The following RPRD2 variants were observed in gnomAD, a reference collection of about 807,000 sequenced individuals.
RPRD2 encodes regulation of nuclear pre-mRNA domain containing 2, also known as regulation of nuclear pre-mRNA domain-containing protein 2.
RPRD2 carries 12 observed loss-of-function variants against 104.4 expected under a neutral mutation model. The ratio of observed to expected loss-of-function variants is 0.11; its 90% CI spans 0.07 to 0.19. The LOEUF is 0.19. Ranked by LOEUF, RPRD2 falls within the 10% of genes least tolerant of loss-of-function variation. The probability of loss-of-function intolerance (pLI) is 1.00; values close to 1 mark genes in which losing one functional copy is unlikely to be tolerated. For missense variants in RPRD2, 1,543 were observed against 1,790.1 expected, an observed-to-expected ratio of 0.86 and a Z score of 2.49; for synonymous variants, 714 against 684.9, an observed-to-expected ratio of 1.04 and a Z score of -0.66.
At chr1:150,387,607 T>G in intron 1 of RPRD2, among the ~76,000 whole-genome samples, 1 of 104,036 alleles carries the variant, frequency 9.6e-6, no homozygotes, top group Non-Finnish European at 1.9e-5. Context: ...TTTTTTTTTT[T>G]TGAGACGGAG....
chr1:150,461,347 T>G (rs12131083), intron 9 of RPRD2, among the ~76,000 whole-genome samples: 33,739 of 152,134 alleles, frequency 0.22, 4,259 homozygotes, highest in African/African-American at 0.32. Context: ...TTTTGGAGAA[T>G]TAAATATGTA....
chr1:150,455,610 G>A (rs1307644242), intron 7 of RPRD2, among the ~76,000 whole-genome samples: 5 of 145,306 alleles, frequency 3.4e-5, no homozygotes, highest in Non-Finnish European at 7.5e-5. Context: ...GGGATCCTAG[G>A]TTAGAAAAGG....
intron 7 of RPRD2, among the ~76,000 whole-genome samples, chr1:150,453,576 A>G (rs140667901): frequency 1.4e-3 from 206 of 152,106 alleles, no homozygotes; most frequent in African/African-American, 4.7e-3. Flanking sequence ...ATTTTTCACT[A>G]TTTTCATGAA....
intron 1 of RPRD2, among the ~76,000 whole-genome samples, chr1:150,384,450 CATTATTATTATTATTATT>C (rs60436957): frequency 3.0e-5 from 4 of 132,344 alleles, no homozygotes; most frequent in Non-Finnish European, 6.1e-5. Flanking sequence ...GCATCATCAT[CATTATTATTATTATTATT>C]ATTATTATTA....
chr1:150,470,350 C>T (rs587657704), intron 10 of RPRD2, among the ~76,000 whole-genome samples: 2 of 152,204 alleles, frequency 1.3e-5, no homozygotes, highest in East Asian at 3.9e-4. Context: ...GTACTGGAAA[C>T]ATTTCAGTGA....
chr1:150,465,874 C>A (rs1167561561), intron 10 of RPRD2, among the ~76,000 whole-genome samples: 1 of 151,298 alleles, frequency 6.6e-6, no homozygotes, highest in Non-Finnish European at 1.5e-5. Context: ...GCCTGGCCAA[C>A]CAGGTGAAAT....
At chr1:150,444,167 G>GTT in intron 5 of RPRD2, 84 bp from the exon 6 acceptor site, 1 of 1,388,486 alleles carries the variant, frequency 7.2e-7, no homozygotes, top group Non-Finnish European at 9.8e-7. Flanking sequence ...GTTTTGTTTT[G>GTT]TTTTGTTTTA....
chr1:150,471,994 G>C lies in RPRD2; in HGVS notation c.3046G>C (p.Ala1016Pro). 1 of 1,613,870 alleles carries C rather than the reference G, an allele frequency of 6.2e-7. No homozygotes were observed. The highest frequency in any genetic ancestry group is 8.5e-7 in the Non-Finnish European group (1 of 1,179,882). The change falls in exon 11 of 11, where the codon GCC becomes CCC. Residue 1016 changes from alanine (A) to proline (P), a missense_variant. By Grantham distance (27) the Ala-to-Pro change is conservative. This residue lies in a region of RPRD2 where 880 missense variants were observed against 885.6 expected (regional missense o/e 0.99). Coordinates refer to ENST00000369068, the MANE Select transcript of RPRD2 (RefSeq NM_015203.5). The surrounding 1 kb of genome is among the most constrained non-coding windows in gnomAD (Gnocchi z 5.3). ...TGAATTTAAGAATATGCTTAAAAAC[G>C]CCTCACGTAAGCCCTCAGATGATAA... ...TIEFKNMLKNASRKPSDDKHF... is the reference protein window; with the variant it reads ...TIEFKNMLKNPSRKPSDDKHF...
chr1:150,375,756 G>A (rs1203623953), intron 1 of RPRD2, among the ~76,000 whole-genome samples: 1 of 152,008 alleles, frequency 6.6e-6, no homozygotes, highest in African/African-American at 2.4e-5. Context: ...AAGTCAAAAG[G>A]GGAGATTTTG....
intron 1 of RPRD2, among the ~76,000 whole-genome samples, chr1:150,405,339 A>G (rs2102234684): frequency 6.6e-6 from 1 of 152,346 alleles, no homozygotes; most frequent in Non-Finnish European, 1.5e-5. Context: ...CTTGGCTTCT[A>G]AAGTCAGTAC....
intron 7 of RPRD2, among the ~76,000 whole-genome samples, chr1:150,449,904 C>T: frequency 6.6e-6 from 1 of 152,164 alleles, no homozygotes; most frequent in East Asian, 1.9e-4. Context: ...TATTGGATCT[C>T]ATTGTTGTGT....
intron 1 of RPRD2, among the ~76,000 whole-genome samples, chr1:150,404,769 C>T (rs1208466095): frequency 2.0e-5 from 3 of 152,106 alleles, no homozygotes; most frequent in African/African-American, 7.2e-5. Flanking sequence ...TGTGCCCGGC[C>T]TCGTCACATA....
chr1:150,470,769 C>T lies in RPRD2; in HGVS notation c.1821C>T (p.Ser607=). The part of the protein sequence containing the change: ...STSEVSSTSA[S]KASIGQSPGL... Reference sequence around the variant, plus strand: ...CTGAAGTCTCTTCAACTTCAGCCAGCAAGGCCTCAATTGGGCAAAGCCCAG... The same window carrying T: ...CTGAAGTCTCTTCAACTTCAGCCAGTAAGGCCTCAATTGGGCAAAGCCCAG... The change falls in exon 11 of 11, where the codon AGC becomes AGT. Residue 607 remains serine (S), a synonymous_variant. Transcript: ENST00000369068. The T allele has an allele frequency of 6.2e-7, 1 of 1,614,064 alleles. No homozygotes were observed. The highest frequency in any genetic ancestry group is 1.1e-5 in the South Asian group (1 of 91,086).
At chr1:150,407,310 T>C (rs2102240767) in intron 1 of RPRD2, among the ~76,000 whole-genome samples, 1 of 152,320 alleles carries the variant, frequency 6.6e-6, no homozygotes, top group East Asian at 1.9e-4. Context: ...ATTAAGGTAC[T>C]CCTTTAAAAA....
At chr1:150,381,982 T>C (rs1661169454) in intron 1 of RPRD2, among the ~76,000 whole-genome samples, 1 of 152,156 alleles carries the variant, frequency 6.6e-6, no homozygotes, top group African/African-American at 2.4e-5. Context: ...CCTTATATGA[T>C]TGTTGGAATT....
At position 150,471,661 on chromosome 1, in the gene RPRD2, C is replaced by G; in HGVS notation, c.2713C>G (p.Arg905Gly). 6.2e-7 allele frequency: 1 copy of G among 1,613,848 alleles called. No individual in the cohort carries two copies. Among genetic ancestry groups the G allele is most frequent in the Non-Finnish European group, 8.5e-7 (1 of 1,179,878 alleles). ...ALLDSSENCD[R>G]LSSSPGLFGA... ...CCTGGACTCTAGTGAGAACTGTGAC[C>G]GTCTCTCATCTTCCCCTGGGCTATT... The change falls in exon 11 of 11, where the codon CGT (arginine) becomes GGT (glycine). Residue 905 changes from arginine (R) to glycine (G), a missense_variant. Arg to Gly is a moderately radical substitution (Grantham distance 125, BLOSUM62 -2). This residue lies in a region of RPRD2 where 880 missense variants were observed against 885.6 expected (regional missense o/e 0.99). Coordinates refer to ENST00000369068, the MANE Select transcript of RPRD2 (RefSeq NM_015203.5). The surrounding 1 kb of genome is among the most constrained non-coding windows in gnomAD (Gnocchi z 5.3).
chr1:150,373,290 A>G (rs1660455569), intron 1 of RPRD2, among the ~76,000 whole-genome samples: 1 of 152,162 alleles, frequency 6.6e-6, no homozygotes, highest in Admixed American at 6.6e-5. Context: ...CTGGGATTAC[A>G]GGCGTGAGCC....
chr1:150,376,269 T>C (rs1660682432), intron 1 of RPRD2, among the ~76,000 whole-genome samples: 1 of 152,192 alleles, frequency 6.6e-6, no homozygotes, highest in African/African-American at 2.4e-5. Flanking sequence ...CTTTCTCTTA[T>C]AATTAATTTC....
intron 4 of RPRD2, among the ~76,000 whole-genome samples, 168 bp downstream of exon 4, chr1:150,442,126 TAA>T (rs59941019): frequency 1.2e-3 from 146 of 126,488 alleles, no homozygotes; most frequent in African/African-American, 2.0e-3. Context: ...GAGATACTTC[TAA>T]AAAAAAAAAA....
Sources: gnomAD v4.1 joint callset for allele counts (sites outside exome capture counted in the v4.1 genomes callset) on GRCh38, gnomAD v4.1.1 for gene constraint, gnomAD v4.1.1 regional missense constraint, Gnocchi (gnomAD v3.1) non-coding constraint, MANE v1.5 for transcripts, NCBI Gene and HGNC (gene_info 2026-07-23, HGNC 2026-07-21) for gene names.